HYPK: variants seen among roughly 807,000 people sequenced by gnomAD.
HYPK encodes huntingtin interacting protein K.
A neutral mutation model predicts 13.9 loss-of-function variants in HYPK; 9 were observed. That is an observed-to-expected ratio of 0.65 (90% confidence interval 0.39 to 1.13). HYPK has a LOEUF of 1.13. HYPK is among the 50% of genes most tolerant of loss of function. HYPK has a pLI of 0.01. For missense variants in HYPK, 138 were observed against 157.6 expected (o/e 0.88, Z 0.67); for synonymous variants, 76 against 57.0 (o/e 1.33, Z -1.50).
Position 43,803,743 on chromosome 15 carries a change from G to A in HYPK, c.*1937G>A, listed in dbSNP as rs761376387. 2.1e-5 allele frequency among the ~76,000 whole-genome samples: 3 copies of A among 145,696 alleles called. No homozygotes were observed. The highest frequency in any genetic ancestry group is 7.7e-5 in the African/African-American group (3 of 39,056). On this transcript the variant is annotated 3_prime_UTR_variant, in exon 4 of 4. Coordinates refer to ENST00000442995, the MANE Select transcript of HYPK (RefSeq NM_016400.4). ...CAGGAGGTTGCAGTGAGCAGAGATCGCGCCACTGCACTCCAGACTGGGCAA... is the reference window on the plus strand; with the variant it reads ...CAGGAGGTTGCAGTGAGCAGAGATCACGCCACTGCACTCCAGACTGGGCAA...
chr15:43,800,584 C>CGTG (rs2087297996), upstream of HYPK: 4 of 1,613,082 alleles, frequency 2.5e-6, no homozygotes, highest in Non-Finnish European at 3.4e-6. Context: ...CGGAAGTCGG[C>CGTG]GTGAGGTGGG....
rs2087324695 is a variant in HYPK at position 43,802,113 on chromosome 15, T to C, written c.*307T>C. 1 of 354,278 alleles carries C rather than the reference T, an allele frequency of 2.8e-6. No homozygotes were observed. The highest frequency in any genetic ancestry group is 5.3e-6 in the Non-Finnish European group (1 of 190,048). The allele number at this position is 354,278 out of a possible 1,614,324, so 21.9% of individuals were successfully genotyped here. On this transcript the variant is annotated 3_prime_UTR_variant, in exon 4 of 4. Coordinates refer to ENST00000442995, the MANE Select transcript of HYPK (RefSeq NM_016400.4). ...TCTCAGCAGAGTTACTGTACTCAAATGGCATGTGTCTCCAAGACAGCTTAT... is the reference window on the plus strand; with the variant it reads ...TCTCAGCAGAGTTACTGTACTCAAACGGCATGTGTCTCCAAGACAGCTTAT...
chr15:43,801,325 C>A, intron 2 of HYPK, 138 bp downstream of exon 2: 1 of 896,206 alleles, frequency 1.1e-6, no homozygotes, highest in Non-Finnish European at 1.8e-6. Context: ...CACAACTTTA[C>A]TCTTGTTAGC....
chr15:43,803,524 G>T lies in HYPK; in HGVS notation c.*1718G>T, dbSNP rs147798255. On this transcript the variant is annotated 3_prime_UTR_variant, in exon 4 of 4. Coordinates refer to ENST00000442995, the MANE Select transcript of HYPK (RefSeq NM_016400.4). ...GTTAATCAGGGCCGGGCGTGGTGGCGCATGCCTATAATCCCAGCACTCTGG... is the reference window on the plus strand; with the variant it reads ...GTTAATCAGGGCCGGGCGTGGTGGCTCATGCCTATAATCCCAGCACTCTGG... 3.3e-5 allele frequency among the ~76,000 whole-genome samples: 5 copies of T among 152,050 alleles called. No individual in the cohort carries two copies. The highest frequency in any genetic ancestry group is 1.2e-4 in the African/African-American group (5 of 41,408).
Position 43,803,259 on chromosome 15 carries a change from G to T in HYPK, c.*1453G>T, listed in dbSNP as rs1286226688. 6.6e-6 allele frequency among the ~76,000 whole-genome samples: 1 copy of T among 151,972 alleles called. No individual in the cohort carries two copies. Among genetic ancestry groups the T allele is most frequent in the Non-Finnish European group, 1.5e-5 (1 of 68,000 alleles). On this transcript the variant is annotated 3_prime_UTR_variant, in exon 4 of 4. Transcript: ENST00000442995. ...AAAAAAAAAAAAGCCAGGCATGGTG[G>T]CATGTGCCTGTCTGTGGTCCCAGAT...
Position 43,802,073 on chromosome 15 carries a change from A to C in HYPK, c.*267A>C, listed in dbSNP as rs2087324221. The C allele has an allele frequency of 4.3e-6, 2 of 462,766 alleles. No individual in the cohort carries two copies. Among genetic ancestry groups the C allele is most frequent in the Non-Finnish European group, 3.9e-6 (1 of 254,834 alleles). The allele number at this position is 462,766 out of a possible 1,614,324, so 28.7% of individuals were successfully genotyped here. A position where few individuals can be genotyped will look rare whatever the true frequency, so the allele number is the denominator to read the frequency against. ...ATCTGACTAGCTCTCAACAGTATTC[A>C]AGGTACATCTGGAGTCTCAGCAGAG... On this transcript the variant is annotated 3_prime_UTR_variant, in exon 4 of 4. Transcript: ENST00000442995.
chr15:43,800,854 C>G lies in HYPK; in HGVS notation c.162+70C>G, dbSNP rs2141698955. ...GGGGCTCTGAGGCTGTAGCTGGAAG[C>G]CAGCGCTCCAAGACGGGGTTCTGAT... On this transcript the variant is annotated intron_variant, in intron 1 of 3. Transcript: ENST00000442995. 2.1e-6 allele frequency: 3 copies of G among 1,403,240 alleles called. No individual in the cohort carries two copies. In the East Asian group the frequency reaches 7.1e-5, roughly 33 times the overall value. 86.9% of individuals were successfully genotyped at this position (1,403,240 alleles called of 1,614,324 possible). A position where few individuals can be genotyped will look rare whatever the true frequency, so the allele number is the denominator to read the frequency against.
rs763928466 is a variant in HYPK, at chr15:43,801,599, G to A, written c.270+30G>A. The stretch of plus-strand genomic sequence containing the variant: ...GTGGTAGTGCCTAACTAGTGTATGC[G>A]GAGGGGAGGCTATTCTGCTTAATTT... On this transcript the variant is annotated intron_variant, in intron 3 of 3. Transcript: ENST00000442995. The A allele has an allele frequency of 8.7e-6, 14 of 1,609,440 alleles. No individual in the cohort carries two copies. In the East Asian group the frequency reaches 8.9e-5, roughly 10 times the overall value.
chr15:43,800,516 GA>G, upstream of HYPK: 1 of 1,418,052 alleles, frequency 7.1e-7, no homozygotes, highest in Non-Finnish European at 9.8e-7. Context: ...GGAGCAGAAA[GA>G]AGGTGTGGCC....
rs1484138486 is a variant in HYPK, at chr15:43,803,229, AATT to A, written c.*1425_*1427del. 6.9e-6 allele frequency among the ~76,000 whole-genome samples: 1 copy of A among 145,174 alleles called. No homozygotes were observed. Among genetic ancestry groups the A allele is most frequent in the Non-Finnish European group, 1.5e-5 (1 of 65,792 alleles). On this transcript the variant is annotated 3_prime_UTR_variant, in exon 4 of 4. Transcript: ENST00000442995. ...CATAGCATGACCTTGTCTCTACTAA[AATT>A]AAAAAAAAAAAAAGCCAGGCATGGT... is the stretch of plus-strand genomic sequence containing the variant.
At position 43,800,774 on chromosome 15, in the gene HYPK, A is replaced by G; in HGVS notation, c.152A>G (p.Asn51Ser). 1 of 1,610,426 alleles carries G rather than the reference A, an allele frequency of 6.2e-7. No individual in the cohort carries two copies. The highest frequency in any genetic ancestry group is 2.2e-5 in the East Asian group (1 of 44,798). Residue 51 changes from asparagine to serine, a missense_variant, in exon 1 of 4, where the codon AAT becomes AGT. Physicochemically the swap from Asn to Ser is conservative, Grantham distance 46. Coordinates refer to ENST00000442995, the MANE Select transcript of HYPK (RefSeq NM_016400.4). ...YAEEKEIQSS[N>S]LETAMSVIGD... ...GAGGAGAAGGAGATCCAGAGTTCCA[A>G]TCTGGAGACGGTAAGGTTGGCCAAG...
chr15:43,801,294 A>G, intron 2 of HYPK, 107 bp downstream of exon 2: 1 of 1,063,586 alleles, frequency 9.4e-7, no homozygotes, highest in Non-Finnish European at 1.4e-6. Context: ...ATTTATCACC[A>G]ATTCCTGCAG....
chr15:43,803,934 C>A lies in HYPK; in HGVS notation c.*2128C>A, dbSNP rs866579052. Among the ~76,000 whole-genome samples the A allele has an allele frequency of 1.3e-5, 2 of 151,834 alleles. No individual in the cohort carries two copies. Among genetic ancestry groups the A allele is most frequent in the African/African-American group, 4.8e-5 (2 of 41,318 alleles). ...CTTTGGGAGGCTGAGGCGGGCGGATCGCGAAGTGAAGATCAAGACCATCCT... is the reference window on the plus strand; with the variant it reads ...CTTTGGGAGGCTGAGGCGGGCGGATAGCGAAGTGAAGATCAAGACCATCCT... On this transcript the variant is annotated 3_prime_UTR_variant, in exon 4 of 4. Coordinates refer to ENST00000442995, the MANE Select transcript of HYPK (RefSeq NM_016400.4).
intron 1 of HYPK, 48 bp downstream of exon 1, chr15:43,800,832 G>C (rs2087303630): frequency 1.3e-6 from 2 of 1,507,320 alleles, no homozygotes; most frequent in Non-Finnish European, 1.8e-6. Flanking sequence ...GCAGAGGGGG[G>C]CTCTGAGGCT....
chr15:43,801,433 A>G lies in HYPK; in HGVS notation c.219-85A>G, dbSNP rs1265669035. On this transcript the variant is annotated intron_variant, in intron 2 of 3. Coordinates refer to ENST00000442995, the MANE Select transcript of HYPK (RefSeq NM_016400.4). ...ATCAAGGGTTTATCAAGATTTATTTACAGGGCACTTCTGGGAATGACCCTT... is the reference window on the plus strand; with the variant it reads ...ATCAAGGGTTTATCAAGATTTATTTGCAGGGCACTTCTGGGAATGACCCTT... 5.2e-6 allele frequency: 6 copies of G among 1,150,690 alleles called. No homozygotes were observed. The East Asian group carries it at 1.4e-4, about 27-fold the overall frequency. The allele number at this position is 1,150,690 out of a possible 1,614,324, so 71.3% of individuals were successfully genotyped here. A position where few individuals can be genotyped will look rare whatever the true frequency, so the allele number is the denominator to read the frequency against.
At chr15:43,801,497 T>C (rs1449361327) in intron 2 of HYPK, 21 bp from the exon 3 acceptor site, 3 of 1,602,080 alleles carry the variant, frequency 1.9e-6, no homozygotes, top group African/African-American at 2.7e-5. Context: ...TGAGGACTAA[T>C]ATATTTAAAT....
intron 1 of HYPK, 28 bp downstream of exon 1, chr15:43,800,812 C>A: frequency 1.3e-6 from 2 of 1,578,440 alleles, no homozygotes; most frequent in Non-Finnish European, 1.7e-6. Context: ...CATGTCGGGG[C>A]GGGCTGAGAG....
Position 43,801,849 on chromosome 15 carries a change from A to G in HYPK, c.*43A>G. 1 of 1,577,622 alleles carries G rather than the reference A, an allele frequency of 6.3e-7. No homozygotes were observed. Among genetic ancestry groups the G allele is most frequent in the Non-Finnish European group, 8.7e-7 (1 of 1,149,492 alleles). On this transcript the variant is annotated 3_prime_UTR_variant, in exon 4 of 4. Coordinates refer to ENST00000442995, the MANE Select transcript of HYPK (RefSeq NM_016400.4). ...ATACCTACTGGATTAATTTATGGCA[A>G]TAAAATTTTTTTTTGTCTTTTTCAG...
rs1315108372 is a variant in HYPK, at chr15:43,803,281, A to T, written c.*1475A>T. Among the ~76,000 whole-genome samples, 4 of 151,262 alleles carry T rather than the reference A, an allele frequency of 2.6e-5. No individual in the cohort carries two copies. The highest frequency in any genetic ancestry group is 9.7e-5 in the African/African-American group (4 of 41,178). ...GTGGCATGTGCCTGTCTGTGGTCCC[A>T]GATACTCTGGAGGCTGAGATGGATT... On this transcript the variant is annotated 3_prime_UTR_variant, in exon 4 of 4. Coordinates refer to ENST00000442995, the MANE Select transcript of HYPK (RefSeq NM_016400.4).
Sources: allele counts gnomAD v4.1 joint callset (sites outside exome capture counted in the v4.1 genomes callset), GRCh38; gene constraint gnomAD v4.1.1; transcripts MANE v1.5; gene names NCBI Gene and HGNC (gene_info 2026-07-23, HGNC 2026-07-21).